The following PCDHGA2 variants were observed in gnomAD, a reference collection of about 807,000 sequenced individuals.
The protein encoded by PCDHGA2 is protocadherin gamma subfamily A, 2, also known as protocadherin gamma-A2.
PCDHGA2 carries 40 observed loss-of-function variants against 59.2 expected under a neutral mutation model. The observed-to-expected ratio is 0.68, with a 90% CI of 0.52 to 0.88. The LOEUF (loss-of-function observed/expected upper bound fraction) is 0.88. PCDHGA2 is among the 40% of genes least tolerant of loss of function. The probability of loss-of-function intolerance (pLI) is 0.00; values close to 1 mark genes in which losing one functional copy is unlikely to be tolerated. For missense variants in PCDHGA2, 1,226 were observed against 1,204.0 expected, an observed-to-expected ratio of 1.02 and a Z score of -0.27; for synonymous variants, 560 against 526.0, an observed-to-expected ratio of 1.06 and a Z score of -0.89.
intron 1 of PCDHGA2, chr5:141,384,775 G>T (rs1392115505): frequency 1.9e-6 from 3 of 1,613,792 alleles, no homozygotes; most frequent in African/African-American, 1.3e-5. Context: ...CACGGGCGAG[G>T]TGCGCACGGC....
At chr5:141,365,935 C>A (rs1191838027) in intron 1 of PCDHGA2, 2 of 1,614,106 alleles carry the variant, frequency 1.2e-6, no homozygotes, top group African/African-American at 2.7e-5. Flanking sequence ...TGACAGCCAG[C>A]GACAGTGGGA....
Position 141,409,638 on chromosome 5 carries a change from C to T in PCDHGA2, c.2424+68243C>T, listed in dbSNP as rs1040366842. The T allele has an allele frequency of 3.1e-6, 5 of 1,613,648 alleles. No homozygotes were observed. The highest frequency in any genetic ancestry group is 1.7e-5 in the Admixed American group (1 of 60,006). ...ATTGCGCAAGTGAGCGCCTCTGACC[C>T]GGATTTGGGGCTCAATGGCCACATC... On this transcript the variant is annotated intron_variant, in intron 1 of 3. Coordinates refer to ENST00000394576, the MANE Select transcript of PCDHGA2 (RefSeq NM_018915.4).
intron 1 of PCDHGA2, chr5:141,413,762 C>A: frequency 1.2e-6 from 2 of 1,612,894 alleles, no homozygotes; most frequent in Non-Finnish European, 8.5e-7. Flanking sequence ...GTCAAGTACC[C>A]GGAGCTGGTA....
chr5:141,418,111 A>G (rs763834283), intron 1 of PCDHGA2: 19 of 1,613,940 alleles, frequency 1.2e-5, no homozygotes, highest in Non-Finnish European at 1.5e-5. Context: ...GCGGGGACTT[A>G]CTTGTGAAGG....
At chr5:141,481,999 C>T (rs958678555) in intron 1 of PCDHGA2, among the ~76,000 whole-genome samples, 7 of 149,942 alleles carry the variant, frequency 4.7e-5, no homozygotes, top group Admixed American at 2.0e-4. Flanking sequence ...GCAGGAGAAT[C>T]GCTTTATCTC....
At chr5:141,390,754 T>C (rs2092225927) in intron 1 of PCDHGA2, 1 of 168,266 alleles carries the variant, frequency 5.9e-6, no homozygotes, top group East Asian at 1.8e-4. Context: ...AGTCCACTGT[T>C]TTGTTTCCTG....
intron 1 of PCDHGA2, among the ~76,000 whole-genome samples, chr5:141,482,875 C>T (rs2099573976): frequency 6.6e-6 from 1 of 151,958 alleles, no homozygotes; most frequent in African/African-American, 2.4e-5. Context: ...AGTTTGAAAC[C>T]AGCCTGGCCA....
chr5:141,393,573 A>G lies in PCDHGA2; in HGVS notation c.2424+52178A>G, dbSNP rs568065764. 1.2e-4 allele frequency: 190 copies of G among 1,613,964 alleles called. 1 individual carries two copies. In the South Asian group the frequency reaches 2.0e-3, roughly 17 times the overall value. ...GATTTACCGAGTGAAAGTCCTTGAGAACATGCCCCCAGGCACGCGGCTGCT... is the reference window on the plus strand; with the variant it reads ...GATTTACCGAGTGAAAGTCCTTGAGGACATGCCCCCAGGCACGCGGCTGCT... On this transcript the variant is annotated intron_variant, in intron 1 of 3. Coordinates refer to ENST00000394576, the MANE Select transcript of PCDHGA2 (RefSeq NM_018915.4).
chr5:141,418,928 A>G, intron 1 of PCDHGA2: 1 of 1,613,978 alleles, frequency 6.2e-7, no homozygotes, highest in Non-Finnish European at 8.5e-7. Context: ...TGATCAGATT[A>G]TGGAGGATTC....
intron 1 of PCDHGA2, among the ~76,000 whole-genome samples, chr5:141,436,889 G>T (rs1319754318): frequency 6.6e-6 from 1 of 152,208 alleles, no homozygotes; most frequent in Non-Finnish European, 1.5e-5. Flanking sequence ...ATGGGGGAAA[G>T]ATTTTTATAT....
chr5:141,484,994 G>A (rs1257915410), intron 1 of PCDHGA2: 4 of 610,330 alleles, frequency 6.6e-6, no homozygotes, highest in Non-Finnish European at 1.2e-5. Context: ...GGTGGTGAAA[G>A]GCAGACAAAT....
At chr5:141,384,411 T>C (rs751134591) in intron 1 of PCDHGA2, 7 of 1,613,860 alleles carry the variant, frequency 4.3e-6, no homozygotes, top group South Asian at 1.1e-5. Flanking sequence ...TGTCCTCCTA[T>C]GTCTCCATAA....
intron 1 of PCDHGA2, chr5:141,346,241 C>G (rs771215185): frequency 1.2e-6 from 2 of 1,614,198 alleles, no homozygotes; most frequent in African/African-American, 1.3e-5. Flanking sequence ...CGAGTACGCC[C>G]GGCTCGCACT....
chr5:141,400,337 C>G (rs752660585), intron 1 of PCDHGA2: 7 of 1,614,080 alleles, frequency 4.3e-6, no homozygotes, highest in African/African-American at 2.7e-5. Flanking sequence ...GTGGTTCCCC[C>G]CAACTACAGT....
At chr5:141,355,628 C>T (rs1759918575) in intron 1 of PCDHGA2, 1 of 1,613,862 alleles carries the variant, frequency 6.2e-7, no homozygotes, top group South Asian at 1.1e-5. Flanking sequence ...ATAAAAGTTG[C>T]TGAAAATGAA....
intron 1 of PCDHGA2, chr5:141,375,109 T>C (rs199796645): frequency 4.0e-5 from 65 of 1,613,834 alleles, no homozygotes; most frequent in Non-Finnish European, 5.3e-5. Flanking sequence ...ATGTCAATGA[T>C]AATGTACCAG....
chr5:141,399,495 T>C, intron 1 of PCDHGA2: 1 of 1,614,034 alleles, frequency 6.2e-7, no homozygotes, highest in Non-Finnish European at 8.5e-7. Context: ...ACTTAGTCAG[T>C]GTACCCGAAA....
At chr5:141,411,309 C>A (rs2095479833) in intron 1 of PCDHGA2, 1 of 152,130 alleles carries the variant, frequency 6.6e-6, no homozygotes, top group African/African-American at 2.4e-5. Context: ...GTGGCTCACA[C>A]CTATAATCAC....
In PCDHGA2 at chr5:141,485,457, T is replaced by G; in HGVS notation, c.2425-9350T>G. 1 of 1,614,124 alleles carries G rather than the reference T, an allele frequency of 6.2e-7. No individual in the cohort carries two copies. Among genetic ancestry groups the G allele is most frequent in the Non-Finnish European group, 8.5e-7 (1 of 1,180,020 alleles). On this transcript the variant is annotated intron_variant, in intron 1 of 3. Coordinates refer to ENST00000394576, the MANE Select transcript of PCDHGA2 (RefSeq NM_018915.4). This position sits in a 1 kb window ranked among gnomAD's most constrained non-coding sequence, Gnocchi z 5.7. ...AAGAACCCAATCGACCGAGAGGCAC[T>G]GTGTGGGCTCAGTGCCAGCTGCATC...
Sources: gnomAD v4.1 joint callset for allele counts (sites outside exome capture counted in the v4.1 genomes callset) on GRCh38, gnomAD v4.1.1 for gene constraint, Gnocchi (gnomAD v3.1) non-coding constraint, MANE v1.5 for transcripts, NCBI Gene and HGNC (gene_info 2026-07-23, HGNC 2026-07-21) for gene names.